NLRC5: variants seen among roughly 807,000 people sequenced by gnomAD.
NLRC5 encodes protein NLRC5.
Under a neutral mutation model 206.9 loss-of-function variants are expected in NLRC5, and 114 were observed. That is an observed-to-expected ratio of 0.55 (90% CI 0.47 to 0.64). The LOEUF (loss-of-function observed/expected upper bound fraction) is 0.64. NLRC5 is among the 30% of genes least tolerant of loss of function. NLRC5 has a pLI of 0.00. For missense variants in NLRC5, 2,008 were observed against 2,305.5 expected, an observed-to-expected ratio of 0.87 and a Z score of 2.64; for synonymous variants, 952 against 962.8, an observed-to-expected ratio of 0.99 and a Z score of 0.21.
chr16:57,067,944 C>A, intron 36 of NLRC5, 116 bp downstream of exon 36: 1 of 799,748 alleles, frequency 1.3e-6, no homozygotes. Context: ...ACTCTGTGGA[C>A]ACAAACCACA....
rs761339513 is a variant in NLRC5, at chr16:57,028,328, G to A, written c.2186G>A (p.Arg729Gln). Residue 729 changes from arginine (R) to glutamine (Q), a missense_variant, in exon 8 of 49, where the codon CGA becomes CAA. Coordinates refer to ENST00000688547, the MANE Select transcript of NLRC5 (RefSeq NM_001384950.1). The part of the protein sequence containing the change: ...LGLAGSKITA[R>Q]GISHLVKALP... ...TTAGCAGGAAGTAAAATCACTGCCC[G>A]AGGCATCAGCCACCTGGTGAAAGCT... is the stretch of plus-strand genomic sequence containing the variant. 13 of 1,613,970 alleles carry A rather than the reference G, an allele frequency of 8.1e-6. No individual in the cohort carries two copies. Among genetic ancestry groups the A allele is most frequent in the East Asian group, 4.5e-5 (2 of 44,892 alleles).
At position 57,077,771 on chromosome 16, in the gene NLRC5, C is replaced by G; in HGVS notation, c.4972C>G (p.Leu1658Val). The G allele has an allele frequency of 6.2e-7, 1 of 1,605,444 alleles. No homozygotes were observed. The highest frequency in any genetic ancestry group is 1.1e-5 in the South Asian group (1 of 89,982). Reference sequence around the variant, plus strand: ...CGGGGGAGTGCAGTTGGCAGAGTCTCTCGTTCTTTGCAGGCGCCTGGAGGA... The same window carrying G: ...CGGGGGAGTGCAGTTGGCAGAGTCTGTCGTTCTTTGCAGGCGCCTGGAGGA... ...SAGGVQLAES[L>V]VLCRRLEELM... The change falls in exon 42 of 49, where the codon CTC (leucine) becomes GTC (valine). Residue 1658 changes from leucine to valine, a missense_variant. By Grantham distance (32) the Leu-to-Val change is conservative. Coordinates refer to ENST00000688547, the MANE Select transcript of NLRC5 (RefSeq NM_001384950.1).
chr16:57,072,427 G>A (rs2067895034), intron 38 of NLRC5, among the ~76,000 whole-genome samples: 1 of 152,184 alleles, frequency 6.6e-6, no homozygotes, highest in Non-Finnish European at 1.5e-5. Context: ...ACTTAGAGGG[G>A]TGGTATTTCA....
At chr16:56,993,873 T>C (rs189629539) in intron 1 of NLRC5, among the ~76,000 whole-genome samples, 4 of 151,952 alleles carry the variant, frequency 2.6e-5, no homozygotes, top group Non-Finnish European at 4.4e-5. Context: ...TAGTTGCTTA[T>C]AGAATGTCTG....
In NLRC5 at chr16:57,007,543, T is replaced by G. The variant is rs1283547075; in HGVS notation, c.-127-9531T>G. On this transcript the variant is annotated intron_variant, in intron 1 of 48. Transcript: ENST00000688547. ...TTCGAGACCAGCCTGGTCAACATGG[T>G]GAAACTCAGTCTCTATTAAAAATAC... 3.3e-5 allele frequency among the ~76,000 whole-genome samples: 5 copies of G among 151,538 alleles called. No individual in the cohort carries two copies. In the East Asian group the frequency reaches 9.7e-4, roughly 29 times the overall value.
At chr16:57,028,265 T>A (rs1684576) in intron 7 of NLRC5, 37 bp from the exon 8 acceptor site, 913,423 of 1,599,856 alleles carry the variant, frequency 0.57, 264,806 homozygotes, top group Middle Eastern at 0.65. Flanking sequence ...CCTTTTCCCC[T>A]CCTCGTTCCT....
chr16:57,078,341 G>A (rs993055528), intron 43 of NLRC5, among the ~76,000 whole-genome samples: 5 of 152,126 alleles, frequency 3.3e-5, no homozygotes, highest in African/African-American at 4.8e-5. Context: ...CCCTGAGGGC[G>A]AATGAGAAAT....
At chr16:57,069,734 C>A in intron 36 of NLRC5, 102 bp from the exon 37 acceptor site, 1 of 903,466 alleles carries the variant, frequency 1.1e-6, no homozygotes, top group Non-Finnish European at 1.8e-6. Flanking sequence ...ACATTGCCCG[C>A]CACATCCCTA....
At chr16:57,015,456 T>A (rs968196658) in intron 1 of NLRC5, among the ~76,000 whole-genome samples, 6 of 152,122 alleles carry the variant, frequency 3.9e-5, no homozygotes, top group Admixed American at 2.0e-4. Context: ...ATAATGTTTT[T>A]TAAAATATCA....
rs754237429 is a variant in NLRC5, at chr16:57,002,852, C to T, written c.-128+13235C>T. On this transcript the variant is annotated intron_variant, in intron 1 of 48. Transcript: ENST00000688547. ...TAGAGACAGGGTTTCACCATGTTGG[C>T]GAGGATGGTCTCAATCTCTTGACCT... is the stretch of plus-strand genomic sequence containing the variant. Among the ~76,000 whole-genome samples the T allele has an allele frequency of 1.2e-4, 18 of 151,992 alleles. 1 individual carries two copies. Among genetic ancestry groups the T allele is most frequent in the Middle Eastern group, 3.2e-3 (1 of 316 alleles).
chr16:56,997,387 T>G (rs1484858683), intron 1 of NLRC5, among the ~76,000 whole-genome samples: 1 of 152,042 alleles, frequency 6.6e-6, no homozygotes, highest in Admixed American at 6.6e-5. Context: ...CTCCTTGTGC[T>G]GTAGTATTAA....
At position 57,026,019 on chromosome 16, in the gene NLRC5, C is replaced by T; in HGVS notation, c.1076C>T (p.Ala359Val). The T allele has an allele frequency of 6.2e-7, 1 of 1,614,068 alleles. No individual in the cohort carries two copies. Residue 359 changes from alanine (A) to valine (V), a missense_variant, in exon 6 of 49, where the codon GCA becomes GTA. Transcript: ENST00000688547. ...GKLPACLPAEAAMVHMLGFDG... is the reference protein window; with the variant it reads ...GKLPACLPAEVAMVHMLGFDG... ...CTGCCTGCCTGCCTGCCTGCAGAGG[C>T]AGCCATGGTCCACATGTTGGGCTTT...
chr16:57,001,259 AGGTATTT>A (rs2058211074), intron 1 of NLRC5, among the ~76,000 whole-genome samples: 1 of 152,182 alleles, frequency 6.6e-6, no homozygotes, highest in Non-Finnish European at 1.5e-5. Flanking sequence ...TGTTTCTTTG[AGGTATTT>A]CTGTCCAAAT....
rs557377717 is a variant in NLRC5, at chr16:56,996,375, G to A, written c.-128+6758G>A. Among the ~76,000 whole-genome samples the A allele has an allele frequency of 6.0e-4, 92 of 152,134 alleles. 1 individual carries two copies. Among genetic ancestry groups the A allele is most frequent in the Non-Finnish European group, 2.2e-4 (15 of 68,006 alleles). ...TTTTGTTTTTATTTTTGATAGAGAC[G>A]AGGTCTCATTACGTTGCCCAGGCTG... On this transcript the variant is annotated intron_variant, in intron 1 of 48. Coordinates refer to ENST00000688547, the MANE Select transcript of NLRC5 (RefSeq NM_001384950.1).
rs1244906148 is a variant in NLRC5, at chr16:57,078,469, T to TTTTTTTTG, written c.5081+456_5081+457insGTTTTTTT. Among the ~76,000 whole-genome samples, 325 of 127,062 alleles carry TTTTTTTTG rather than the reference T, an allele frequency of 2.6e-3. 1 individual carries two copies. The highest frequency in any genetic ancestry group is 4.7e-3 in the South Asian group (16 of 3,418). The allele number at this position is 127,062 out of a possible 152,430, so 83.4% of individuals were successfully genotyped here. A position where few individuals can be genotyped will look rare whatever the true frequency, so the allele number is the denominator to read the frequency against. On this transcript the variant is annotated intron_variant, in intron 43 of 48. Coordinates refer to ENST00000688547, the MANE Select transcript of NLRC5 (RefSeq NM_001384950.1). ...AGTCCCAGAGTGCTGGGACCTTGTT[T>TTTTTTTTG]TTTTTTTTTTTTTTTTTTTTTAGAT...
At chr16:57,058,581 C>T (rs2065993956) in intron 28 of NLRC5, 1 of 319,666 alleles carries the variant, frequency 3.1e-6, no homozygotes, top group Non-Finnish European at 5.9e-6. Context: ...AAGTCATCCA[C>T]ATGGTTGCCC....
chr16:57,080,751 G>A (rs926710110), intron 46 of NLRC5: 1 of 220,924 alleles, frequency 4.5e-6, no homozygotes, highest in Non-Finnish European at 9.1e-6. Flanking sequence ...ACAGGCGTGA[G>A]CAACCACGCC....
intron 8 of NLRC5, 117 bp downstream of exon 8, chr16:57,028,502 C>A: frequency 2.6e-6 from 2 of 780,554 alleles, no homozygotes; most frequent in South Asian, 1.6e-5. Flanking sequence ...TCAGTGAGAC[C>A]CAGAGAGGGA....
intron 20 of NLRC5, among the ~76,000 whole-genome samples, chr16:57,044,577 G>T (rs549281637): frequency 6.6e-6 from 1 of 152,082 alleles, no homozygotes; most frequent in African/African-American, 2.4e-5. Context: ...AGGTCCCAGA[G>T]CCTCTCCAGG....
Sources: gnomAD v4.1 joint callset for allele counts (sites outside exome capture counted in the v4.1 genomes callset) on GRCh38, gnomAD v4.1.1 for gene constraint, MANE v1.5 for transcripts, NCBI Gene and HGNC (gene_info 2026-07-23, HGNC 2026-07-21) for gene names.